The following ZDHHC14 variants were observed in gnomAD, a reference collection of about 807,000 sequenced individuals.
The protein encoded by ZDHHC14 is palmitoyltransferase ZDHHC14.
Under a neutral mutation model 47.7 loss-of-function variants are expected in ZDHHC14, and 16 were observed. That is an observed-to-expected ratio of 0.34 (90% confidence interval 0.23 to 0.51). The LOEUF (loss-of-function observed/expected upper bound fraction) is 0.51. Ranked by LOEUF, ZDHHC14 falls within the 20% of genes least tolerant of loss-of-function variation. The pLI is 0.97. For missense variants in ZDHHC14, 515 were observed against 662.5 expected, an observed-to-expected ratio of 0.78 and a Z score of 2.44; for synonymous variants, 293 against 278.9, an observed-to-expected ratio of 1.05 and a Z score of -0.50.
At chr6:157,487,131 C>A (rs1486336766) in intron 1 of ZDHHC14, among the ~76,000 whole-genome samples, 1 of 152,240 alleles carries the variant, frequency 6.6e-6, no homozygotes, top group Non-Finnish European at 1.5e-5. Context: ...CCCACGCTGT[C>A]CCTAAGGCTG....
chr6:157,592,840 G>C (rs1224678774), intron 2 of ZDHHC14, 148 bp from the exon 3 acceptor site: 9 of 1,461,146 alleles, frequency 6.2e-6, no homozygotes, highest in African/African-American at 1.4e-5. Context: ...GTGAGTCCCA[G>C]AGCCCCAGCC....
At chr6:157,672,129 A>G (rs1778825092) in intron 8 of ZDHHC14, among the ~76,000 whole-genome samples, 1 of 152,134 alleles carries the variant, frequency 6.6e-6, no homozygotes, top group Non-Finnish European at 1.5e-5. Context: ...TTCACTTAGC[A>G]TGCTTTCCTC....
intron 2 of ZDHHC14, among the ~76,000 whole-genome samples, chr6:157,555,354 C>T (rs1172380294): frequency 1.3e-5 from 2 of 152,200 alleles, no homozygotes; most frequent in African/African-American, 4.8e-5. Context: ...CCAGGCCCTC[C>T]TTGCAGCAGG....
intron 2 of ZDHHC14, among the ~76,000 whole-genome samples, chr6:157,542,970 C>T (rs2365609): frequency 0.41 from 61,924 of 152,050 alleles, 12,700 homozygotes; most frequent in Admixed American, 0.45. Flanking sequence ...CAGGCCCACT[C>T]GAGCAAAGCA....
rs141338295 is a variant in ZDHHC14 at position 157,648,258 on chromosome 6, C to T, written c.965+890C>T. Among the ~76,000 whole-genome samples, 793 of 152,322 alleles carry T rather than the reference C, an allele frequency of 5.2e-3. 12 individuals carry two copies. The highest frequency in any genetic ancestry group is 0.018 in the African/African-American group (730 of 41,572). ...TCTAGAATGAGTTTCCAAGTTATTA[C>T]TGCTTCCTACCTTTTGGTCTCCAAA... On this transcript the variant is annotated intron_variant, in intron 7 of 8. Transcript: ENST00000359775.
chr6:157,398,722 T>C (rs1462659233), intron 1 of ZDHHC14, among the ~76,000 whole-genome samples: 2 of 152,254 alleles, frequency 1.3e-5, no homozygotes, highest in African/African-American at 4.8e-5. Flanking sequence ...CAAATTAAAA[T>C]GTTTCTTATT....
chr6:157,434,218 T>TTATATATATA (rs373321908), intron 1 of ZDHHC14, among the ~76,000 whole-genome samples: 5,106 of 146,440 alleles, frequency 0.035, 102 homozygotes, highest in African/African-American at 0.043. Flanking sequence ...GCTTATAATT[T>TTATATATATA]TATATATATA....
intron 5 of ZDHHC14, among the ~76,000 whole-genome samples, chr6:157,644,778 C>T (rs1239086963): frequency 6.6e-6 from 1 of 152,176 alleles, no homozygotes; most frequent in Non-Finnish European, 1.5e-5. Flanking sequence ...ATAGCGGATG[C>T]CAGATGTATG....
At chr6:157,640,995 T>C (rs778712213) in intron 5 of ZDHHC14, among the ~76,000 whole-genome samples, 1 of 152,226 alleles carries the variant, frequency 6.6e-6, no homozygotes, top group South Asian at 2.1e-4. Flanking sequence ...GGGAGGACTT[T>C]ACCTAAAAAG....
At chr6:157,488,737 G>C (rs1378573000) in intron 1 of ZDHHC14, among the ~76,000 whole-genome samples, 1 of 152,220 alleles carries the variant, frequency 6.6e-6, no homozygotes, top group Non-Finnish European at 1.5e-5. Context: ...GAGCACTGCT[G>C]TCTGTAGGGC....
At chr6:157,555,069 G>A (rs1247884396) in intron 2 of ZDHHC14, among the ~76,000 whole-genome samples, 4 of 152,174 alleles carry the variant, frequency 2.6e-5, no homozygotes, top group East Asian at 1.9e-4. Context: ...GTTGCCCAGG[G>A]TTCTCTTCCA....
chr6:157,507,875 A>G (rs1397117815), intron 1 of ZDHHC14, among the ~76,000 whole-genome samples: 1 of 152,156 alleles, frequency 6.6e-6, no homozygotes, highest in African/African-American at 2.4e-5. Flanking sequence ...GGTGGAAAAC[A>G]CCCTGTGACA....
chr6:157,498,932 C>T (rs753924427), intron 1 of ZDHHC14, among the ~76,000 whole-genome samples: 1 of 152,058 alleles, frequency 6.6e-6, no homozygotes, highest in Non-Finnish European at 1.5e-5. Context: ...AGATTTTTAC[C>T]TCCTGTGCTT....
chr6:157,673,009 G>T lies in ZDHHC14; in HGVS notation c.1354G>T (p.Ala452Ser). ...GGCGCCCTCGCCCCCCAGGCTACTG[G>T]CGGCGGGCAGCCCCCTGGCGCACAG... The part of the protein sequence containing the change: ...DEAPSPPRLL[A>S]AGSPLAHSRT... Residue 452 changes from alanine to serine, a missense_variant, in exon 9 of 9, where the codon GCG (alanine) becomes TCG (serine). Physicochemically the swap from Ala to Ser is moderately conservative, Grantham distance 99. Coordinates refer to ENST00000359775, the MANE Select transcript of ZDHHC14 (RefSeq NM_024630.3). The surrounding 1 kb of genome is among the most constrained non-coding windows in gnomAD (Gnocchi z 5.4). 1 of 1,572,442 alleles carries T rather than the reference G, an allele frequency of 6.4e-7. No homozygotes were observed.
At chr6:157,627,911 C>G (rs1015078016) in intron 3 of ZDHHC14, among the ~76,000 whole-genome samples, 4 of 152,236 alleles carry the variant, frequency 2.6e-5, no homozygotes, top group Non-Finnish European at 5.9e-5. Flanking sequence ...TGGCCTCTCT[C>G]TATGGCCATT....
In ZDHHC14 at chr6:157,441,395, C is replaced by T. The variant is rs138346598; in HGVS notation, c.245+59129C>T. Among the ~76,000 whole-genome samples, 50 of 152,320 alleles carry T rather than the reference C, an allele frequency of 3.3e-4. No individual in the cohort carries two copies. The East Asian group carries it at 8.5e-3, about 26-fold the overall frequency. ...ATTTGTTCTCTGTTGCTGTAGCCTC[C>T]TCATTGCTCACTGCTTTTGGAAGTG... On this transcript the variant is annotated intron_variant, in intron 1 of 8. Transcript: ENST00000359775.
intron 1 of ZDHHC14, among the ~76,000 whole-genome samples, chr6:157,476,439 G>A (rs112580630): frequency 0.15 from 23,553 of 152,066 alleles, 2,378 homozygotes; most frequent in Middle Eastern, 0.23. Context: ...AGAAAAGCCC[G>A]GAACTTGATA....
At chr6:157,473,136 A>G (rs1476023406) in intron 1 of ZDHHC14, among the ~76,000 whole-genome samples, 2 of 152,246 alleles carry the variant, frequency 1.3e-5, no homozygotes, top group African/African-American at 4.8e-5. Flanking sequence ...TAACACATAT[A>G]TTAGCTCACA....
intron 1 of ZDHHC14, among the ~76,000 whole-genome samples, chr6:157,522,920 C>CCTTTCTTTCTTTCTTT (rs781533305): frequency 6.2e-5 from 2 of 32,052 alleles, no homozygotes; most frequent in African/African-American, 6.3e-4. Flanking sequence ...TTCCTTCCTT[C>CCTTTCTTTCTTTCTTT]CTTTCTTTCT....
Sources: allele counts gnomAD v4.1 joint callset (sites outside exome capture counted in the v4.1 genomes callset), GRCh38; gene constraint gnomAD v4.1.1; non-coding constraint Gnocchi (gnomAD v3.1); transcripts MANE v1.5; gene names NCBI Gene and HGNC (gene_info 2026-07-23, HGNC 2026-07-21).